ZNF782: variants seen among roughly 807,000 people sequenced by gnomAD.
ZNF782 encodes the protein zinc finger protein 782.
ZNF782 carries 12 observed loss-of-function variants against 13.0 expected under a neutral mutation model. The observed-to-expected ratio is 0.92, with a 90% CI of 0.59 to 1.50. ZNF782 has a LOEUF of 1.50. ZNF782 is among the 40% of genes most tolerant of loss of function. The pLI is 0.00. For synonymous variants in ZNF782, 284 were observed against 283.0 expected (o/e 1.00, Z -0.04); for missense variants, 770 against 822.9 (o/e 0.94, Z 0.79).
the ZNF782 span, chr9:96,928,635 G>C: frequency 3.2e-6 from 1 of 316,878 alleles, no homozygotes; most frequent in Non-Finnish European, 5.4e-6. Context: ...TGTTGATAAA[G>C]AATGGAAGTA....
At chr9:96,881,215 C>G in the ZNF782 span, among the ~76,000 whole-genome samples, 1 of 152,102 alleles carries the variant, frequency 6.6e-6, no homozygotes, top group East Asian at 1.9e-4. Flanking sequence ...AAACCCCCCA[C>G]AACTTTTGGG....
the ZNF782 span, among the ~76,000 whole-genome samples, chr9:96,928,019 T>C: frequency 1.4e-5 from 2 of 146,542 alleles, 1 homozygote; most frequent in African/African-American, 5.4e-5. Context: ...ATGCTTTTGA[T>C]TGCATAATAT....
chr9:96,866,003 C>T (rs1851749778), intron 1 of ZNF782, among the ~76,000 whole-genome samples: 1 of 152,176 alleles, frequency 6.6e-6, no homozygotes, highest in Non-Finnish European at 1.5e-5. Flanking sequence ...TAAAGGCATT[C>T]TGTTTTAAAA....
At chr9:96,844,568 G>C (rs1187785604) in intron 4 of ZNF782, among the ~76,000 whole-genome samples, 4 of 152,142 alleles carry the variant, frequency 2.6e-5, no homozygotes, top group Non-Finnish European at 4.4e-5. Flanking sequence ...GTAGTTGCCA[G>C]GGGTTGTGGA....
At chr9:96,827,878 A>G (rs1189175166) in intron 4 of ZNF782, among the ~76,000 whole-genome samples, 4 of 152,246 alleles carry the variant, frequency 2.6e-5, no homozygotes, top group African/African-American at 7.2e-5. Context: ...GGTGAGCCCT[A>G]TGATTATCAC....
chr9:96,898,307 C>T, the ZNF782 span, among the ~76,000 whole-genome samples: 3 of 148,764 alleles, frequency 2.0e-5, no homozygotes, highest in South Asian at 6.4e-4. Flanking sequence ...ACTCGCTGTT[C>T]CCTCCTACCC....
At chr9:96,931,642 T>C in the ZNF782 span, 2 of 1,537,118 alleles carry the variant, frequency 1.3e-6, no homozygotes, top group Middle Eastern at 2.3e-4. Context: ...CCCTCAGCTG[T>C]TGGGACTCCC....
At chr9:96,821,499 T>C (rs1338940646) in intron 5 of ZNF782, among the ~76,000 whole-genome samples, 2 of 152,148 alleles carry the variant, frequency 1.3e-5, no homozygotes, top group Non-Finnish European at 2.9e-5. Flanking sequence ...TTACTGTCTA[T>C]AGTATTCATT....
chr9:96,876,289 G>C (rs1418058484), upstream of ZNF782, among the ~76,000 whole-genome samples: 2 of 152,212 alleles, frequency 1.3e-5, no homozygotes, highest in Non-Finnish European at 2.9e-5. Context: ...GCACAGGGAA[G>C]CATTTAACAT....
chr9:96,891,543 T>G, the ZNF782 span: 1 of 151,642 alleles, frequency 6.6e-6, no homozygotes, highest in African/African-American at 2.4e-5. Flanking sequence ...CCCTTCCCCG[T>G]GAAATGCTCT....
At chr9:96,878,346 G>A (rs1053825947), upstream of ZNF782, among the ~76,000 whole-genome samples, 4 of 152,128 alleles carry the variant, frequency 2.6e-5, no homozygotes, top group Admixed American at 6.5e-5. Context: ...CACCGCGTCC[G>A]GACTCCCTTG....
upstream of ZNF782, among the ~76,000 whole-genome samples, chr9:96,879,878 G>GT (rs1326597722): frequency 1.3e-5 from 2 of 151,054 alleles, no homozygotes; most frequent in Non-Finnish European, 1.5e-5. Flanking sequence ...ATTTTTTTTT[G>GT]TTTTTTGTAG....
At chr9:96,887,742 A>G in the ZNF782 span, 1 of 152,164 alleles carries the variant, frequency 6.6e-6, no homozygotes. Context: ...AGCGCTATTC[A>G]CAATAGCAAA....
Position 96,859,718 on chromosome 9 carries a change from A to G in ZNF782, c.-207+523T>C, listed in dbSNP as rs527921727. Among the ~76,000 whole-genome samples, 41 of 151,878 alleles carry G rather than the reference A, an allele frequency of 2.7e-4. No individual in the cohort carries two copies. The East Asian group carries it at 7.8e-3, about 29-fold the overall frequency. The stretch of plus-strand genomic sequence containing the variant: ...CCAGCTGTGGTGTCTGTGAGGAGAG[A>G]CTCCCTCTGCTTGAGAAAAGCCGAA... On this transcript the variant is annotated intron_variant, in intron 3 of 5. Transcript: ENST00000498811.
In ZNF782 at chr9:96,818,405, C is replaced by T. The variant is rs1850254525; in HGVS notation, c.1618G>A (p.Gly540Arg). 1 of 1,614,006 alleles carries T rather than the reference C, an allele frequency of 6.2e-7. No individual in the cohort carries two copies. Residue 540 changes from glycine to arginine, a missense_variant, in exon 6 of 6, where the codon GGA (glycine) becomes AGA (arginine). By Grantham distance (125) the Gly-to-Arg change is moderately radical (BLOSUM62 -2). Coordinates refer to ENST00000481138, the MANE Select transcript of ZNF782 (RefSeq NM_001001662.3). The part of the protein sequence containing the change: ...GEKPYKCNQC[G>R]KAFGQKSQLR... ...TGTGATTTCTGACCGAAAGCTTTTCCACACTGATTACATTTGTAGGGCTTC... is the reference window on the plus strand; with the variant it reads ...TGTGATTTCTGACCGAAAGCTTTTCTACACTGATTACATTTGTAGGGCTTC...
At chr9:96,892,289 C>T in the ZNF782 span, 3 of 152,168 alleles carry the variant, frequency 2.0e-5, no homozygotes, top group Non-Finnish European at 4.4e-5. Flanking sequence ...TGTGCATCAA[C>T]AGATGAATGG....
At chr9:96,829,228 C>T (rs1375649465) in intron 4 of ZNF782, among the ~76,000 whole-genome samples, 1 of 151,620 alleles carries the variant, frequency 6.6e-6, no homozygotes, top group Admixed American at 6.6e-5. Context: ...TAAAGAGCAC[C>T]ATAAACTGGA....
rs562834163 is a variant in ZNF782, at chr9:96,817,881, T to C, written c.*42A>G. On this transcript the variant is annotated 3_prime_UTR_variant, in exon 6 of 6. Transcript: ENST00000481138. ...TTCATTTATGTATTGTGAGGTTTGA[T>C]TTCCAGCTCAGAGTTTTTTCGTATT... 81 of 1,503,154 alleles carry C rather than the reference T, an allele frequency of 5.4e-5. No homozygotes were observed. In the African/African-American group the frequency reaches 8.3e-4, roughly 15 times the overall value. The allele number at this position is 1,503,154 out of a possible 1,614,324, so 93.1% of individuals were successfully genotyped here. A position where few individuals can be genotyped will look rare whatever the true frequency, so the allele number is the denominator to read the frequency against.
At chr9:96,862,234 G>A (rs901192634) in intron 1 of ZNF782, among the ~76,000 whole-genome samples, 2 of 152,202 alleles carry the variant, frequency 1.3e-5, no homozygotes, top group African/African-American at 4.8e-5. Flanking sequence ...TAGTATGGGG[G>A]ATGGGGGGTA....
Sources: allele counts gnomAD v4.1 joint callset (sites outside exome capture counted in the v4.1 genomes callset), GRCh38; gene constraint gnomAD v4.1.1; transcripts MANE v1.5; gene names NCBI Gene and HGNC (gene_info 2026-07-23, HGNC 2026-07-21).